The following LRRC8B variants were observed in gnomAD, a reference collection of about 807,000 sequenced individuals.
LRRC8B encodes the protein leucine rich repeat containing 8 VRAC subunit B.
In LRRC8B, 23 loss-of-function variants were observed where a neutral mutation model predicts 58.8. That is an observed-to-expected ratio of 0.39 (90% confidence interval 0.28 to 0.55). The LOEUF (loss-of-function observed/expected upper bound fraction) is 0.55. Among genes scored for constraint, LRRC8B ranks in the 20% least tolerant of loss-of-function variants. The pLI is 0.62. For missense variants in LRRC8B, 694 were observed against 936.0 expected (o/e 0.74, Z 3.37); for synonymous variants, 359 against 374.1 (o/e 0.96, Z 0.47).
At chr1:89,537,308 T>C (rs1650607576) in intron 1 of LRRC8B, among the ~76,000 whole-genome samples, 1 of 152,118 alleles carries the variant, frequency 6.6e-6, no homozygotes, top group Non-Finnish European at 1.5e-5. Context: ...CTCCTGATTA[T>C]TTTGTGTATG....
At chr1:89,591,935 T>TAATCCCTC (rs1655005299) in intron 5 of LRRC8B, among the ~76,000 whole-genome samples, 1 of 152,170 alleles carries the variant, frequency 6.6e-6, no homozygotes, top group Non-Finnish European at 1.5e-5. Flanking sequence ...GAGGCCAGAC[T>TAATCCCTC]TATCCCTCAG....
At chr1:89,576,638 G>A (rs1653873222) in intron 3 of LRRC8B, among the ~76,000 whole-genome samples, 1 of 152,152 alleles carries the variant, frequency 6.6e-6, no homozygotes, top group Non-Finnish European at 1.5e-5. Flanking sequence ...TCTGAGGGAT[G>A]GACTAATCAC....
At chr1:89,545,245 G>C (rs1045847724) in intron 1 of LRRC8B, among the ~76,000 whole-genome samples, 1 of 152,112 alleles carries the variant, frequency 6.6e-6, no homozygotes, top group African/African-American at 2.4e-5. Context: ...GTTGTCTAGT[G>C]ATATGGTCAA....
chr1:89,528,313 C>T (rs780125569), intron 1 of LRRC8B, among the ~76,000 whole-genome samples: 11 of 152,164 alleles, frequency 7.2e-5, no homozygotes, highest in Non-Finnish European at 1.2e-4. Flanking sequence ...TCATGGAGAC[C>T]ACATTCTTTA....
At chr1:89,577,045 T>G (rs912638947) in intron 3 of LRRC8B, among the ~76,000 whole-genome samples, 8 of 152,186 alleles carry the variant, frequency 5.3e-5, no homozygotes, top group African/African-American at 1.9e-4. Flanking sequence ...AACATCTTAA[T>G]GGGAAGTAGC....
chr1:89,532,972 C>T (rs1434491533), intron 1 of LRRC8B, among the ~76,000 whole-genome samples: 1 of 152,210 alleles, frequency 6.6e-6, no homozygotes, highest in East Asian at 1.9e-4. Flanking sequence ...CTACAGTCCT[C>T]TTAAAGGATT....
chr1:89,561,957 A>G (rs755407451), intron 1 of LRRC8B, among the ~76,000 whole-genome samples: 25 of 152,266 alleles, frequency 1.6e-4, no homozygotes, highest in Admixed American at 3.3e-4. Flanking sequence ...TTAGGTGAGC[A>G]GTTCGACCCC....
At chr1:89,532,494 G>T (rs1256738527) in intron 1 of LRRC8B, among the ~76,000 whole-genome samples, 7 of 152,038 alleles carry the variant, frequency 4.6e-5, no homozygotes, top group African/African-American at 1.4e-4. Context: ...TGAATCATGG[G>T]GGCAGTTTCC....
At chr1:89,554,051 C>T (rs1287098026) in intron 1 of LRRC8B, among the ~76,000 whole-genome samples, 4 of 152,268 alleles carry the variant, frequency 2.6e-5, no homozygotes, top group African/African-American at 9.6e-5. Flanking sequence ...AATAATTTCT[C>T]AGGTGCCTGT....
At chr1:89,529,207 C>G (rs928146590) in intron 1 of LRRC8B, among the ~76,000 whole-genome samples, 3 of 152,078 alleles carry the variant, frequency 2.0e-5, no homozygotes, top group Non-Finnish European at 4.4e-5. Flanking sequence ...TGTTTATATT[C>G]CTCCTTACTT....
intron 5 of LRRC8B, among the ~76,000 whole-genome samples, chr1:89,585,092 T>G (rs1039061607): frequency 4.6e-5 from 7 of 152,268 alleles, no homozygotes; most frequent in African/African-American, 1.7e-4. Flanking sequence ...TATTTTAAAC[T>G]ATTTAATTCA....
Position 89,583,498 on chromosome 1 carries a change from T to G in LRRC8B, c.848T>G (p.Ile283Ser). 6.2e-7 allele frequency: 1 copy of G among 1,613,820 alleles called. No individual in the cohort carries two copies. Among genetic ancestry groups the G allele is most frequent in the Middle Eastern group, 1.6e-4 (1 of 6,062 alleles). ...ITYVPYFLTH[I>S]TLEIDCSVDV... is the part of the protein sequence containing the mutation. ...TATGTTCCATATTTTTTAACCCACATCACTCTTGAAATCGACTGTTCAGTT... is the reference window on the plus strand; with the variant it reads ...TATGTTCCATATTTTTTAACCCACAGCACTCTTGAAATCGACTGTTCAGTT... Residue 283 changes from isoleucine to serine, a missense_variant, in exon 5 of 6, where the codon ATC becomes AGC. Coordinates refer to ENST00000330947, the MANE Select transcript of LRRC8B (RefSeq NM_001369817.2). This position sits in a 1 kb window ranked among gnomAD's most constrained non-coding sequence, Gnocchi z 5.2.
At chr1:89,589,705 C>T (rs1399786655) in intron 5 of LRRC8B, among the ~76,000 whole-genome samples, 1 of 141,576 alleles carries the variant, frequency 7.1e-6, no homozygotes, top group East Asian at 2.0e-4. Flanking sequence ...AGCTGTGTTT[C>T]TTGAAATGAT....
chr1:89,549,370 A>C (rs1406812415), intron 1 of LRRC8B, among the ~76,000 whole-genome samples: 1 of 152,182 alleles, frequency 6.6e-6, no homozygotes, highest in African/African-American at 2.4e-5. Context: ...TATATTCACT[A>C]TCTCTACAAC....
intron 1 of LRRC8B, among the ~76,000 whole-genome samples, chr1:89,559,501 G>A (rs553339500): frequency 6.6e-6 from 1 of 151,896 alleles, no homozygotes; most frequent in East Asian, 1.9e-4. Flanking sequence ...GGGTATGGTG[G>A]CGTGTGCCTG....
At chr1:89,531,960 C>G (rs1650166567) in intron 1 of LRRC8B, among the ~76,000 whole-genome samples, 1 of 152,090 alleles carries the variant, frequency 6.6e-6, no homozygotes, top group African/African-American at 2.4e-5. Flanking sequence ...CTGGAATGAC[C>G]TTGTAACTTG....
Position 89,593,055 on chromosome 1 carries a change from G to A in LRRC8B, c.*12G>A. The A allele has an allele frequency of 1.9e-6, 3 of 1,605,482 alleles. No homozygotes were observed. Among genetic ancestry groups the A allele is most frequent in the East Asian group, 2.2e-5 (1 of 44,700 alleles). On this transcript the variant is annotated 3_prime_UTR_variant, in exon 6 of 6. Coordinates refer to ENST00000330947, the MANE Select transcript of LRRC8B (RefSeq NM_001369817.2). ...TAGACAAATGTTGACTTAAAGAAAA[G>A]AGACCCGTGTTTCAAAATCATTTTT...
chr1:89,577,964 G>T (rs1025726678), intron 3 of LRRC8B, among the ~76,000 whole-genome samples: 1 of 152,162 alleles, frequency 6.6e-6, no homozygotes, highest in Non-Finnish European at 1.5e-5. Context: ...ATGTGGTCTG[G>T]TGTGCATGAG....
intron 1 of LRRC8B, among the ~76,000 whole-genome samples, chr1:89,560,195 A>G (rs1378370078): frequency 2.6e-5 from 4 of 152,206 alleles, no homozygotes; most frequent in Admixed American, 1.3e-4. Context: ...TATTCATTTG[A>G]TCAGGTCATG....
Sources: allele counts gnomAD v4.1 joint callset (sites outside exome capture counted in the v4.1 genomes callset), GRCh38; gene constraint gnomAD v4.1.1; non-coding constraint Gnocchi (gnomAD v3.1); transcripts MANE v1.5; gene names NCBI Gene and HGNC (gene_info 2026-07-23, HGNC 2026-07-21).